Variants in RAP1B observed in about 807,000 individuals in gnomAD.
The protein encoded by RAP1B is RAP1B, member of RAS oncogene family.
In RAP1B, 1 loss-of-function variant was observed where a neutral mutation model predicts 27.5. The observed-to-expected ratio is 0.04, with a 90% confidence interval of 0.01 to 0.17. RAP1B has a LOEUF of 0.17. RAP1B is among the 10% of genes least tolerant of loss of function. RAP1B has a pLI of 1.00. For synonymous variants in RAP1B, 75 were observed against 73.1 expected (o/e 1.03, Z -0.13); for missense variants, 84 against 214.8 (o/e 0.39, Z 3.81).
chr12:68,657,128 A>G lies in RAP1B; in HGVS notation c.496A>G (p.Asn166Asp). The G allele has an allele frequency of 6.2e-7, 1 of 1,613,842 alleles. No individual in the cohort carries two copies. Among genetic ancestry groups the G allele is most frequent in the Non-Finnish European group, 8.5e-7 (1 of 1,179,746 alleles). Residue 166 changes from asparagine (N) to aspartate (D), a missense_variant, in exon 7 of 8, where the codon AAC becomes GAC. Transcript: ENST00000250559. The stretch of plus-strand genomic sequence containing the variant: ...CTTTTATGACCTAGTGCGGCAAATT[A>G]ACAGAAAAACTCCAGTGCCTGGGAA... Reference protein sequence around the residue: ...EIFYDLVRQINRKTPVPGKAR... With the variant: ...EIFYDLVRQIDRKTPVPGKAR...
In RAP1B at chr12:68,651,976, AT is replaced by A. The variant is rs1873844321; in HGVS notation, c.127-15del. ...ATGTACATTGAAAAAATGAACATGT[AT>A]TTTAATTTTTCTACCAGCAAGTTGA... On this transcript the variant is annotated intron_variant, in intron 3 of 7. Transcript: ENST00000250559. The A allele has an allele frequency of 6.2e-7, 1 of 1,604,270 alleles. No homozygotes were observed. The highest frequency in any genetic ancestry group is 1.3e-5 in the African/African-American group (1 of 74,724).
chr12:68,654,667 C>T (rs1874074204), intron 5 of RAP1B, among the ~76,000 whole-genome samples: 1 of 151,984 alleles, frequency 6.6e-6, no homozygotes, highest in Non-Finnish European at 1.5e-5. Flanking sequence ...TTAGTAGAGA[C>T]AGGGTTTCAC....
intron 1 of RAP1B, 33 bp downstream of exon 1, chr12:68,611,076 A>AGCC (rs1329050719): frequency 4.1e-6 from 1 of 246,400 alleles, no homozygotes; most frequent in East Asian, 6.6e-5. Context: ...CGCTGAGGGA[A>AGCC]GCCGCGGCGG....
chr12:68,645,551 C>T (rs1182058105), intron 1 of RAP1B, among the ~76,000 whole-genome samples: 1 of 152,204 alleles, frequency 6.6e-6, no homozygotes, highest in East Asian at 1.9e-4. Flanking sequence ...AAGGTTATGC[C>T]TAAAGATCAC....
chr12:68,618,571 A>G (rs1200353481), intron 1 of RAP1B, among the ~76,000 whole-genome samples: 3 of 152,190 alleles, frequency 2.0e-5, no homozygotes, highest in African/African-American at 7.2e-5. Flanking sequence ...TACAAGTGCA[A>G]AACTATTTTT....
At chr12:68,626,791 T>A (rs1321914940) in intron 1 of RAP1B, 2 of 1,330,110 alleles carry the variant, frequency 1.5e-6, no homozygotes, top group Non-Finnish European at 2.1e-6. Flanking sequence ...TTTTGTTGTT[T>A]GTTTGTTTGT....
chr12:68,657,925 T>C (rs74761759), intron 7 of RAP1B, among the ~76,000 whole-genome samples: 3 of 152,024 alleles, frequency 2.0e-5, no homozygotes, highest in African/African-American at 4.8e-5. Context: ...TTTTTTTTTT[T>C]CCTTCAACTT....
intron 1 of RAP1B, among the ~76,000 whole-genome samples, chr12:68,628,628 G>C (rs1871998661): frequency 6.6e-6 from 1 of 152,032 alleles, no homozygotes; most frequent in Non-Finnish European, 1.5e-5. Flanking sequence ...GGGGCAAACT[G>C]CTTTTCCAGA....
intron 1 of RAP1B, among the ~76,000 whole-genome samples, chr12:68,643,240 C>G (rs745488106): frequency 5.3e-5 from 8 of 151,820 alleles, no homozygotes; most frequent in Non-Finnish European, 1.0e-4. Flanking sequence ...TGACTTAATC[C>G]TTATTTTCTA....
chr12:68,619,895 T>C lies in RAP1B; in HGVS notation c.-27+8852T>C, dbSNP rs138048046. On this transcript the variant is annotated intron_variant, in intron 1 of 7. Coordinates refer to ENST00000250559, the MANE Select transcript of RAP1B (RefSeq NM_001010942.3). Reference sequence around the variant, plus strand: ...TAGATAATAGTTATTTTTAAGCCTATTTTTGGTTTTAATATTTGTTTTGTA... The same window carrying C: ...TAGATAATAGTTATTTTTAAGCCTACTTTTGGTTTTAATATTTGTTTTGTA... Among the ~76,000 whole-genome samples the C allele has an allele frequency of 6.0e-3, 910 of 152,316 alleles. 33 individuals are homozygous for C. The highest frequency in any genetic ancestry group is 9.2e-3 in the East Asian group (48 of 5,192).
In RAP1B at chr12:68,662,035, A is replaced by G. The variant is rs200080676; in HGVS notation, c.*2786A>G. 3.0e-5 allele frequency: 4 copies of G among 132,838 alleles called. No individual in the cohort carries two copies. Among genetic ancestry groups the G allele is most frequent in the Non-Finnish European group, 6.7e-5 (4 of 59,874 alleles). 8.2% of individuals were successfully genotyped at this position (132,838 alleles called of 1,614,324 possible). On this transcript the variant is annotated 3_prime_UTR_variant, in exon 8 of 8. Transcript: ENST00000250559. ...ATATATATATATATATATATATATT[A>G]TATATAGTACATATATAGAGAGAGT...
At position 68,657,166 on chromosome 12, in the gene RAP1B, GTCA is replaced by G. The variant is rs771673218; in HGVS notation, c.539_541del (p.Ser180del). ...CAGTGCCTGGGAAGGCTCGCAAAAA[GTCA>G]TCATGTCAGCTGCTTTAATATACTA... On this transcript the variant is annotated inframe_deletion, in exon 7 of 8. Coordinates refer to ENST00000250559, the MANE Select transcript of RAP1B (RefSeq NM_001010942.3). The G allele has an allele frequency of 4.3e-6, 7 of 1,611,844 alleles. No individual in the cohort carries two copies. The highest frequency in any genetic ancestry group is 5.9e-6 in the Non-Finnish European group (7 of 1,178,104).
At chr12:68,654,636 C>T (rs1052563875) in intron 5 of RAP1B, among the ~76,000 whole-genome samples, 2 of 151,842 alleles carry the variant, frequency 1.3e-5, no homozygotes, top group Non-Finnish European at 2.9e-5. Flanking sequence ...TGCCACCATG[C>T]CCAGCTAGTT....
chr12:68,641,398 T>C (rs895957878), intron 1 of RAP1B, among the ~76,000 whole-genome samples: 2 of 152,214 alleles, frequency 1.3e-5, no homozygotes, highest in Non-Finnish European at 2.9e-5. Context: ...TTCTTGTCTT[T>C]CCATGTCTTT....
chr12:68,639,118 T>A (rs1872821901), intron 1 of RAP1B, among the ~76,000 whole-genome samples: 1 of 152,228 alleles, frequency 6.6e-6, no homozygotes, highest in Non-Finnish European at 1.5e-5. Flanking sequence ...ATCTCTCAAA[T>A]TGATTTTGTT....
At chr12:68,642,706 C>CA (rs1873105423) in intron 1 of RAP1B, 3 of 1,139,400 alleles carry the variant, frequency 2.6e-6, no homozygotes. Context: ...CACAAGATTT[C>CA]ACATCTTTTT....
intron 1 of RAP1B, among the ~76,000 whole-genome samples, chr12:68,629,578 C>G (rs1214414601): frequency 5.3e-5 from 8 of 152,090 alleles, no homozygotes; most frequent in African/African-American, 1.9e-4. Flanking sequence ...ATATTTTACC[C>G]AAGCTGTCCT....
At chr12:68,657,315 A>G in intron 7 of RAP1B, 98 bp downstream of exon 7, 1 of 708,604 alleles carries the variant, frequency 1.4e-6, no homozygotes, top group South Asian at 2.0e-5. Flanking sequence ...GTTGGTTCTG[A>G]AAAATAAATG....
intron 1 of RAP1B, chr12:68,643,138 A>G (rs1045954441): frequency 3.1e-5 from 18 of 574,366 alleles, no homozygotes; most frequent in African/African-American, 2.8e-4. Context: ...TTCACTTTAA[A>G]TGGTAGTACA....
Sources: gnomAD v4.1 joint callset for allele counts (sites outside exome capture counted in the v4.1 genomes callset) on GRCh38, gnomAD v4.1.1 for gene constraint, MANE v1.5 for transcripts, NCBI Gene and HGNC (gene_info 2026-07-23, HGNC 2026-07-21) for gene names.